MDGA2: variants seen among roughly 807,000 people sequenced by gnomAD.
MDGA2 encodes MAM domain-containing glycosylphosphatidylinositol anchor protein 2.
In MDGA2, 40 loss-of-function variants were observed where a neutral mutation model predicts 117.8. The observed-to-expected ratio is 0.34, with a 90% confidence interval of 0.26 to 0.44. The LOEUF is 0.44. Among genes scored for constraint, MDGA2 ranks in the 20% least tolerant of loss-of-function variants. The pLI, the probability that MDGA2 is intolerant of heterozygous loss-of-function variation, is 1.00. For missense variants in MDGA2, 1,123 were observed against 1,250.6 expected, an observed-to-expected ratio of 0.90 and a Z score of 1.54; for synonymous variants, 452 against 439.0, an observed-to-expected ratio of 1.03 and a Z score of -0.37.
chr14:46,999,365 G>GT (rs1448558593), intron 8 of MDGA2, among the ~76,000 whole-genome samples: 1 of 151,956 alleles, frequency 6.6e-6, no homozygotes, highest in African/African-American at 2.4e-5. Flanking sequence ...CTATTGATTG[G>GT]TTTTTAAATT....
At chr14:46,889,082 GATT>G (rs1367014478) in intron 10 of MDGA2, among the ~76,000 whole-genome samples, 1 of 151,934 alleles carries the variant, frequency 6.6e-6, no homozygotes, top group Non-Finnish European at 1.5e-5. Flanking sequence ...ATGTAACACT[GATT>G]TTTAAGATGC....
intron 1 of MDGA2, among the ~76,000 whole-genome samples, chr14:47,660,165 G>C (rs1897818812): frequency 6.6e-6 from 1 of 152,156 alleles, no homozygotes; most frequent in Non-Finnish European, 1.5e-5. Context: ...TGCTCTTGCA[G>C]CCAGACTGAA....
intron 1 of MDGA2, among the ~76,000 whole-genome samples, chr14:47,648,582 G>A (rs529351983): frequency 6.6e-6 from 1 of 152,126 alleles, no homozygotes; most frequent in South Asian, 2.1e-4. Flanking sequence ...TGAAAGATAA[G>A]CACAAGCAAA....
intron 1 of MDGA2, among the ~76,000 whole-genome samples, chr14:47,422,080 G>A (rs1415641815): frequency 6.6e-6 from 1 of 151,892 alleles, no homozygotes; most frequent in Non-Finnish European, 1.5e-5. Flanking sequence ...TTTATGCTCT[G>A]TTTTGTTTCA....
chr14:47,196,377 A>G (rs8015840), intron 3 of MDGA2, among the ~76,000 whole-genome samples: 33,224 of 152,050 alleles, frequency 0.22, 4,114 homozygotes, highest in East Asian at 0.35. Context: ...TAAGAGAAAG[A>G]TGCAGAGGTT....
chr14:47,166,054 T>A (rs1883860972), intron 3 of MDGA2, among the ~76,000 whole-genome samples: 3 of 128,444 alleles, frequency 2.3e-5, no homozygotes, highest in East Asian at 5.3e-4. Context: ...TTTTTTTTTT[T>A]AGACAGAGTC....
rs775847896 is a variant in MDGA2 at position 47,239,709 on chromosome 14, T to A, written c.421-21514A>T. Among the ~76,000 whole-genome samples, 106 of 151,892 alleles carry A rather than the reference T, an allele frequency of 7.0e-4. 7 individuals are homozygous for A. The highest frequency in any genetic ancestry group is 2.2e-4 in the Non-Finnish European group (15 of 67,854). ...TGGGGAAAAAAAAGTTTTCAATGCT[T>A]AACAAATGAGATCATTCTAAATTAA... On this transcript the variant is annotated intron_variant, in intron 2 of 16. Coordinates refer to ENST00000399232, the MANE Select transcript of MDGA2 (RefSeq NM_001113498.3).
chr14:47,288,040 C>T (rs896295917), intron 2 of MDGA2, among the ~76,000 whole-genome samples: 6 of 152,172 alleles, frequency 3.9e-5, no homozygotes, highest in Admixed American at 6.6e-5. Context: ...TTTCAGAATT[C>T]TAGCCTCCAA....
At chr14:47,352,284 A>T (rs1432475569) in intron 1 of MDGA2, among the ~76,000 whole-genome samples, 1 of 152,170 alleles carries the variant, frequency 6.6e-6, no homozygotes, top group Non-Finnish European at 1.5e-5. Context: ...TCTTCATGAA[A>T]ACACACGTGC....
intron 1 of MDGA2, among the ~76,000 whole-genome samples, chr14:47,643,954 G>T (rs1290806095): frequency 6.6e-6 from 1 of 152,140 alleles, no homozygotes; most frequent in African/African-American, 2.4e-5. Flanking sequence ...ATAGTGAAAA[G>T]GAGGAAATAA....
At chr14:47,355,567 G>A (rs1413064971) in intron 1 of MDGA2, among the ~76,000 whole-genome samples, 1 of 150,782 alleles carries the variant, frequency 6.6e-6, no homozygotes, top group African/African-American at 2.4e-5. Flanking sequence ...TGCAGGCTTT[G>A]CACTCTCTAG....
intron 8 of MDGA2, among the ~76,000 whole-genome samples, chr14:46,983,461 A>T (rs1048901773): frequency 2.0e-5 from 3 of 152,158 alleles, no homozygotes; most frequent in Non-Finnish European, 4.4e-5. Flanking sequence ...CAACCGAAAT[A>T]TTCTATTAAT....
chr14:46,977,829 TA>T (rs1047484091), intron 8 of MDGA2, among the ~76,000 whole-genome samples: 1 of 134,862 alleles, frequency 7.4e-6, no homozygotes. Context: ...GGGGACTCGG[TA>T]AAAAAAATAT....
At chr14:46,960,050 C>T (rs1281574850) in intron 8 of MDGA2, among the ~76,000 whole-genome samples, 3 of 151,822 alleles carry the variant, frequency 2.0e-5, no homozygotes, top group South Asian at 4.2e-4. Context: ...AGTGAAACCC[C>T]GTCTCTACCA....
chr14:47,238,115 C>G (rs1594745915), intron 2 of MDGA2, among the ~76,000 whole-genome samples: 2 of 152,170 alleles, frequency 1.3e-5, no homozygotes, highest in African/African-American at 4.8e-5. Context: ...CTTCTTTTAA[C>G]TTCATGCAAG....
At chr14:47,199,802 A>G (rs1885423151) in intron 3 of MDGA2, among the ~76,000 whole-genome samples, 1 of 152,190 alleles carries the variant, frequency 6.6e-6, no homozygotes, top group Admixed American at 6.5e-5. Flanking sequence ...GAATATAAAG[A>G]TGGATTTGAT....
chr14:47,437,417 C>A (rs2416077), intron 1 of MDGA2, among the ~76,000 whole-genome samples: 37,722 of 152,058 alleles, frequency 0.25, 4,972 homozygotes, highest in Middle Eastern at 0.41. Flanking sequence ...TATTCCATTT[C>A]ATATCTTTGA....
At position 46,884,043 on chromosome 14, in the gene MDGA2, C is replaced by A. The variant is rs1882570133; in HGVS notation, c.2239-1822G>T. 6.6e-6 allele frequency among the ~76,000 whole-genome samples: 1 copy of A among 151,874 alleles called. No individual in the cohort carries two copies. The highest frequency in any genetic ancestry group is 2.4e-5 in the African/African-American group (1 of 41,362). On this transcript the variant is annotated intron_variant, in intron 10 of 16. Coordinates refer to ENST00000399232, the MANE Select transcript of MDGA2 (RefSeq NM_001113498.3). The surrounding 1 kb of genome is among the most constrained non-coding windows in gnomAD (Gnocchi z 4.1). ...GGTGCTGATAATATGGCTTAAAATT[C>A]TATTATTGGGGGTTATCTGTGGCCT...
At chr14:47,360,244 G>A (rs1036844202) in intron 1 of MDGA2, among the ~76,000 whole-genome samples, 6 of 151,706 alleles carry the variant, frequency 4.0e-5, no homozygotes, top group East Asian at 1.9e-4. Flanking sequence ...CCAGCTACTC[G>A]GGAGGCTGAG....
Sources: allele counts gnomAD v4.1 joint callset (sites outside exome capture counted in the v4.1 genomes callset), GRCh38; gene constraint gnomAD v4.1.1; non-coding constraint Gnocchi (gnomAD v3.1); transcripts MANE v1.5; gene names NCBI Gene and HGNC (gene_info 2026-07-23, HGNC 2026-07-21).